ASIC5: variants seen among roughly 807,000 people sequenced by gnomAD.
ASIC5 encodes bile acid-sensitive ion channel.
A neutral mutation model predicts 51.2 loss-of-function variants in ASIC5; 52 were observed. The observed-to-expected ratio is 1.02, with a 90% CI of 0.81 to 1.28. The LOEUF (loss-of-function observed/expected upper bound fraction) is 1.28, where lower values mean the gene tolerates loss of function less well. Among genes scored for constraint, ASIC5 ranks in the 50% most tolerant of loss-of-function variants. ASIC5 has a pLI of 0.00. For synonymous variants in ASIC5, 231 were observed against 200.7 expected (o/e 1.15, Z -1.28); for missense variants, 635 against 595.0 (o/e 1.07, Z -0.70).
intron 2 of ASIC5, among the ~76,000 whole-genome samples, chr4:155,861,784 G>A (rs1025209593): frequency 1.3e-5 from 2 of 151,752 alleles, no homozygotes; most frequent in African/African-American, 4.8e-5. Context: ...ATCAATTTCT[G>A]CTTCTATTTC....
At chr4:155,860,911 G>A (rs1451239470) in intron 2 of ASIC5, among the ~76,000 whole-genome samples, 1 of 151,598 alleles carries the variant, frequency 6.6e-6, no homozygotes, top group Non-Finnish European at 1.5e-5. Flanking sequence ...TTCCCTATAA[G>A]CACTGTTTTA....
chr4:155,845,804 T>G (rs1437903462), intron 4 of ASIC5, among the ~76,000 whole-genome samples: 1 of 152,114 alleles, frequency 6.6e-6, no homozygotes, highest in East Asian at 1.9e-4. Context: ...TACCTTATGA[T>G]ATAAAGTTTG....
intron 8 of ASIC5, among the ~76,000 whole-genome samples, chr4:155,836,475 G>A (rs927301306): frequency 6.6e-6 from 1 of 152,098 alleles, no homozygotes; most frequent in African/African-American, 2.4e-5. Context: ...ACTCAAGCAA[G>A]CATCATTTTC....
chr4:155,849,660 C>T (rs970446905), intron 4 of ASIC5, among the ~76,000 whole-genome samples: 2 of 151,884 alleles, frequency 1.3e-5, no homozygotes, highest in Admixed American at 6.6e-5. Flanking sequence ...CAGTTTGGAC[C>T]AAATTCTATT....
intron 2 of ASIC5, among the ~76,000 whole-genome samples, chr4:155,862,087 C>A (rs950164005): frequency 1.3e-5 from 2 of 152,030 alleles, no homozygotes; most frequent in African/African-American, 2.4e-5. Flanking sequence ...CCTCACTTTG[C>A]CATTCTGGAA....
At chr4:155,841,244 G>A (rs141993003) in intron 6 of ASIC5, among the ~76,000 whole-genome samples, 3 of 152,260 alleles carry the variant, frequency 2.0e-5, no homozygotes, top group Non-Finnish European at 4.4e-5. Flanking sequence ...CAGGTAGATT[G>A]TGTTACAATA....
chr4:155,849,894 G>A (rs1741340675), intron 4 of ASIC5, among the ~76,000 whole-genome samples: 2 of 151,902 alleles, frequency 1.3e-5, no homozygotes, highest in African/African-American at 4.8e-5. Context: ...AAGTAACATG[G>A]CCTATATGAA....
At chr4:155,860,596 AT>A (rs1441809466) in intron 2 of ASIC5, among the ~76,000 whole-genome samples, 1 of 151,820 alleles carries the variant, frequency 6.6e-6, no homozygotes, top group Non-Finnish European at 1.5e-5. Flanking sequence ...TATTGTCTTA[AT>A]TTTTTGTTCC....
chr4:155,864,604 T>C (rs538276369), intron 1 of ASIC5: 53 of 152,264 alleles, frequency 3.5e-4, no homozygotes, highest in Non-Finnish European at 6.8e-4. Flanking sequence ...TTCCGGTCCA[T>C]TCCTCGCCTC....
intron 2 of ASIC5, 67 bp downstream of exon 2, chr4:155,863,381 G>T: frequency 8.0e-7 from 1 of 1,246,810 alleles, no homozygotes; most frequent in Non-Finnish European, 1.1e-6. Flanking sequence ...CTCTTTGTCA[G>T]TCATCCAAGA....
Position 155,836,775 on chromosome 4 carries a change from C to T in ASIC5, c.1149G>A (p.Pro383=), listed in dbSNP as rs145582686. The T allele has an allele frequency of 2.1e-5, 34 of 1,606,208 alleles. 1 individual carries two copies. The highest frequency in any genetic ancestry group is 1.1e-4 in the South Asian group (10 of 90,810). ...GAAAAGAGGAATAAGAAATAGTGGCCGGGTATTCTATTTCTTCACAAGAAA... is the reference window on the plus strand; with the variant it reads ...GAAAAGAGGAATAAGAAATAGTGGCTGGGTATTCTATTTCTTCACAAGAAA... ...CPVSCEEIEY[P]ATISYSSFPS... The change falls in exon 8 of 10, where the codon CCG becomes CCA. Residue 383 remains proline (P), a synonymous_variant. Coordinates refer to ENST00000537611, the MANE Select transcript of ASIC5 (RefSeq NM_017419.3).
Position 155,865,853 on chromosome 4 carries a change from C to T in ASIC5, c.40+334G>A, listed in dbSNP as rs553209207. 2.6e-5 allele frequency among the ~76,000 whole-genome samples: 4 copies of T among 152,136 alleles called. No homozygotes were observed. The East Asian group carries it at 7.7e-4, about 29-fold the overall frequency. ...CATTGAGTGCTGATCAACATAGAAGCATTTTGAGGAACATCAAATCAGCTT... is the reference window on the plus strand; with the variant it reads ...CATTGAGTGCTGATCAACATAGAAGTATTTTGAGGAACATCAAATCAGCTT... On this transcript the variant is annotated intron_variant, in intron 1 of 9. Transcript: ENST00000537611.
At chr4:155,861,035 T>C (rs1741690241) in intron 2 of ASIC5, among the ~76,000 whole-genome samples, 1 of 151,978 alleles carries the variant, frequency 6.6e-6, no homozygotes, top group South Asian at 2.1e-4. Context: ...TGTGCATTGT[T>C]TAATATTTAC....
At chr4:155,835,126 C>A (rs888234126) in intron 8 of ASIC5, among the ~76,000 whole-genome samples, 1 of 152,282 alleles carries the variant, frequency 6.6e-6, no homozygotes, top group African/African-American at 2.4e-5. Context: ...TGGCCCTCTG[C>A]CCTTGCGATA....
At position 155,866,198 on chromosome 4, in the gene ASIC5, T is replaced by A; in HGVS notation, c.29A>T (p.Tyr10Phe). Residue 10 changes from tyrosine to phenylalanine, a missense_variant, in exon 1 of 10, where the codon TAT (tyrosine) becomes TTT (phenylalanine). Coordinates refer to ENST00000537611, the MANE Select transcript of ASIC5 (RefSeq NM_017419.3). MEQTEKSKVYAENGLLEKIK... is the reference protein window; with the variant it reads MEQTEKSKVFAENGLLEKIK... The stretch of plus-strand genomic sequence containing the variant: ...CACTCTTTACTCACCGTTCTCAGCA[T>A]ATACTTTTGATTTTTCTGTCTGCTC... 6.2e-7 allele frequency: 1 copy of A among 1,607,840 alleles called. No individual in the cohort carries two copies. The highest frequency in any genetic ancestry group is 8.5e-7 in the Non-Finnish European group (1 of 1,174,970).
At chr4:155,840,280 G>T (rs1383099768) in intron 6 of ASIC5, among the ~76,000 whole-genome samples, 2 of 151,794 alleles carry the variant, frequency 1.3e-5, no homozygotes, top group African/African-American at 2.4e-5. Flanking sequence ...AGAGCCAGCA[G>T]TTTTATATAG....
intron 9 of ASIC5, among the ~76,000 whole-genome samples, chr4:155,830,319 G>T (rs1740846310): frequency 6.6e-6 from 1 of 151,960 alleles, no homozygotes; most frequent in East Asian, 1.9e-4. Context: ...TAAAATCTCG[G>T]TAAATTCATT....
In ASIC5 at chr4:155,863,559, T is replaced by C. The variant is rs1205158925; in HGVS notation, c.236A>G (p.Gln79Arg). 8 of 1,613,700 alleles carry C rather than the reference T, an allele frequency of 5.0e-6. No homozygotes were observed. The highest frequency in any genetic ancestry group is 5.9e-6 in the Non-Finnish European group (7 of 1,179,906). The change falls in exon 2 of 10, where the codon CAG becomes CGG. Residue 79 changes from glutamine to arginine, a missense_variant. Coordinates refer to ENST00000537611, the MANE Select transcript of ASIC5 (RefSeq NM_017419.3). The part of the protein sequence containing the change: ...VLGSVSLVTW[Q>R]IYIRLLNYFT... The stretch of plus-strand genomic sequence containing the variant: ...GTAGTTGAGCAAGCGAATGTAGATC[T>C]GCCATGTCACAAGTGAGACTGAGCC...
At chr4:155,865,900 C>A (rs1741850293) in intron 1 of ASIC5, among the ~76,000 whole-genome samples, 1 of 152,008 alleles carries the variant, frequency 6.6e-6, no homozygotes, top group African/African-American at 2.4e-5. Flanking sequence ...AAAAATAAAA[C>A]CTGCAGGCCC....
Sources: gnomAD v4.1 joint callset for allele counts (sites outside exome capture counted in the v4.1 genomes callset) on GRCh38, gnomAD v4.1.1 for gene constraint, MANE v1.5 for transcripts, NCBI Gene and HGNC (gene_info 2026-07-23, HGNC 2026-07-21) for gene names.